Variants in CADPS2 observed in about 807,000 individuals in gnomAD.
CADPS2 encodes calcium-dependent secretion activator 2.
A neutral mutation model predicts 172.5 loss-of-function variants in CADPS2; 93 were observed. The ratio of observed to expected loss-of-function variants is 0.54; its 90% CI spans 0.46 to 0.64. CADPS2 has a LOEUF of 0.64. Among genes scored for constraint, CADPS2 ranks in the 30% least tolerant of loss-of-function variants. The probability of loss-of-function intolerance (pLI) is 0.00; values close to 1 mark genes in which losing one functional copy is unlikely to be tolerated. For missense variants in CADPS2, 1,420 were observed against 1,565.9 expected (o/e 0.91, Z 1.57); for synonymous variants, 546 against 555.2 (o/e 0.98, Z 0.23).
At chr7:122,555,118 G>A (rs981799896) in intron 7 of CADPS2, among the ~76,000 whole-genome samples, 4 of 152,014 alleles carry the variant, frequency 2.6e-5, no homozygotes, top group Admixed American at 2.6e-4. Context: ...TATGCCTCAT[G>A]TTTTAATATT....
intron 9 of CADPS2, among the ~76,000 whole-genome samples, chr7:122,492,838 C>G (rs1446413913): frequency 2.0e-5 from 3 of 152,074 alleles, no homozygotes; most frequent in Admixed American, 1.3e-4. Flanking sequence ...AGCTGGACCA[C>G]AGGCACATCT....
intron 1 of CADPS2, among the ~76,000 whole-genome samples, chr7:122,745,044 T>C (rs2092665112): frequency 6.6e-6 from 1 of 151,978 alleles, no homozygotes; most frequent in Admixed American, 6.6e-5. Flanking sequence ...AAGTATACAA[T>C]GTTTTGATAT....
At chr7:122,694,109 G>T (rs965088409) in intron 2 of CADPS2, among the ~76,000 whole-genome samples, 1 of 152,186 alleles carries the variant, frequency 6.6e-6, no homozygotes, top group Non-Finnish European at 1.5e-5. Flanking sequence ...AATGATTCAG[G>T]GTAGGCAAAT....
At chr7:122,496,329 C>A (rs2058729922) in intron 9 of CADPS2, among the ~76,000 whole-genome samples, 1 of 151,880 alleles carries the variant, frequency 6.6e-6, no homozygotes, top group Admixed American at 6.6e-5. Context: ...ATCTGGCTAA[C>A]TGTTTCTGTT....
chr7:122,538,731 T>G (rs2062600390), intron 8 of CADPS2, among the ~76,000 whole-genome samples: 1 of 152,038 alleles, frequency 6.6e-6, no homozygotes, highest in Non-Finnish European at 1.5e-5. Context: ...AAATACTTAG[T>G]GAAATTAAGT....
intron 1 of CADPS2, among the ~76,000 whole-genome samples, chr7:122,777,323 C>G (rs1464886078): frequency 6.6e-6 from 1 of 152,206 alleles, no homozygotes; most frequent in South Asian, 2.1e-4. Flanking sequence ...CCTTAGCAGA[C>G]TGATTCAAGA....
At chr7:122,628,190 C>T (rs2471212) in intron 4 of CADPS2, among the ~76,000 whole-genome samples, 111,480 of 151,948 alleles carry the variant, frequency 0.73, 41,401 homozygotes, top group Middle Eastern at 0.91. Context: ...TCTCAACTTT[C>T]CCTCTACTTT....
intron 1 of CADPS2, among the ~76,000 whole-genome samples, chr7:122,771,714 G>A (rs529715008): frequency 1.3e-5 from 2 of 152,304 alleles, no homozygotes; most frequent in South Asian, 2.1e-4. Context: ...GTGTGGTCAC[G>A]AAGAAAACAA....
At chr7:122,841,120 A>T (rs1368525016) in intron 1 of CADPS2, among the ~76,000 whole-genome samples, 1 of 152,190 alleles carries the variant, frequency 6.6e-6, no homozygotes, top group African/African-American at 2.4e-5. Context: ...CAAAAATGTC[A>T]ATTCCTTTTT....
At chr7:122,829,429 G>T (rs1311733927) in intron 1 of CADPS2, among the ~76,000 whole-genome samples, 1 of 152,088 alleles carries the variant, frequency 6.6e-6, no homozygotes, top group Non-Finnish European at 1.5e-5. Flanking sequence ...GTTTTACAAG[G>T]AGAAATGAGT....
intron 1 of CADPS2, among the ~76,000 whole-genome samples, chr7:122,783,633 G>A (rs1270398305): frequency 1.3e-5 from 2 of 152,310 alleles, no homozygotes; most frequent in African/African-American, 4.8e-5. Flanking sequence ...GTAAACAGTT[G>A]CTACCACGGC....
At chr7:122,860,755 C>A (rs908242132) in intron 1 of CADPS2, among the ~76,000 whole-genome samples, 1 of 152,086 alleles carries the variant, frequency 6.6e-6, no homozygotes, top group Non-Finnish European at 1.5e-5. Context: ...TTTCCCAGCC[C>A]TTGGTAACCA....
At position 122,522,225 on chromosome 7, in the gene CADPS2, G is replaced by A. The variant is rs192901455; in HGVS notation, c.1476-8910C>T. ...CACTTCCCAGATTCAAGAGATTCTC[G>A]TGCTTCAGCCTCTTGAGTAGCTGGG... On this transcript the variant is annotated intron_variant, in intron 8 of 29. Transcript: ENST00000449022. 2.2e-3 allele frequency among the ~76,000 whole-genome samples: 330 copies of A among 151,972 alleles called. 4 individuals carry two copies. Among genetic ancestry groups the A allele is most frequent in the African/African-American group, 7.5e-3 (310 of 41,466 alleles).
chr7:122,737,072 C>T lies in CADPS2; in HGVS notation c.340-4G>A, dbSNP rs369372704. 3.3e-5 allele frequency: 51 copies of T among 1,530,964 alleles called. No homozygotes were observed. Among genetic ancestry groups the T allele is most frequent in the Non-Finnish European group, 4.6e-5 (51 of 1,108,510 alleles). The allele number at this position is 1,530,964 out of a possible 1,614,324, so 94.8% of individuals were successfully genotyped here. On this transcript the variant is annotated splice_region_variant and splice_polypyrimidine_tract_variant and intron_variant, in intron 1 of 29. Coordinates refer to ENST00000449022, the MANE Select transcript of CADPS2 (RefSeq NM_017954.11). ...ACTGCAACTGTTGTTTGTTAAGCTACAAGAAAAAGAGAAAATAAGCAGATA... is the reference window on the plus strand; with the variant it reads ...ACTGCAACTGTTGTTTGTTAAGCTATAAGAAAAAGAGAAAATAAGCAGATA...
At chr7:122,453,009 T>C (rs935517284) in intron 14 of CADPS2, among the ~76,000 whole-genome samples, 9 of 152,172 alleles carry the variant, frequency 5.9e-5, no homozygotes, top group Non-Finnish European at 1.2e-4. Context: ...AATCAAAGTA[T>C]CATTTAAGTA....
intron 1 of CADPS2, among the ~76,000 whole-genome samples, chr7:122,850,852 C>A (rs1320468807): frequency 6.6e-6 from 1 of 152,220 alleles, no homozygotes; most frequent in Non-Finnish European, 1.5e-5. Flanking sequence ...GTGGCTAACA[C>A]CAGCATTTAA....
chr7:122,670,841 G>C (rs1162346849), intron 2 of CADPS2, among the ~76,000 whole-genome samples: 1 of 146,502 alleles, frequency 6.8e-6, no homozygotes, highest in Non-Finnish European at 1.5e-5. Context: ...CTATGATCTC[G>C]CTACTGCACA....
At chr7:122,819,570 T>C (rs928993806) in intron 1 of CADPS2, among the ~76,000 whole-genome samples, 3 of 152,248 alleles carry the variant, frequency 2.0e-5, no homozygotes, top group Admixed American at 2.0e-4. Flanking sequence ...GTTGTGGGTA[T>C]TGACAGCCAG....
At chr7:122,872,489 C>T (rs773000209) in intron 1 of CADPS2, among the ~76,000 whole-genome samples, 6 of 152,018 alleles carry the variant, frequency 3.9e-5, no homozygotes, top group Non-Finnish European at 7.4e-5. Context: ...TGGGCTTTAT[C>T]TCAATCTCCC....
Sources: allele counts gnomAD v4.1 joint callset (sites outside exome capture counted in the v4.1 genomes callset), GRCh38; gene constraint gnomAD v4.1.1; transcripts MANE v1.5; gene names NCBI Gene and HGNC (gene_info 2026-07-23, HGNC 2026-07-21).